ARID4B: variants seen among roughly 807,000 people sequenced by gnomAD.
ARID4B encodes AT-rich interactive domain-containing protein 4B.
A neutral mutation model predicts 147.5 loss-of-function variants in ARID4B; 26 were observed. The ratio of observed to expected loss-of-function variants is 0.18; its 90% CI spans 0.13 to 0.24. ARID4B has a LOEUF of 0.24. ARID4B is among the 10% of genes least tolerant of loss of function. The pLI is 1.00. For synonymous variants in ARID4B, 512 were observed against 507.9 expected, an observed-to-expected ratio of 1.01 and a Z score of -0.11; for missense variants, 1,179 against 1,511.5, an observed-to-expected ratio of 0.78 and a Z score of 3.65.
chr1:235,210,938 T>C (rs1666677244), intron 17 of ARID4B, among the ~76,000 whole-genome samples: 1 of 152,252 alleles, frequency 6.6e-6, no homozygotes, highest in South Asian at 2.1e-4. Context: ...AGTCAATCTT[T>C]TCTTAACAAA....
At position 235,181,587 on chromosome 1, in the gene ARID4B, T is replaced by G. The variant is rs751591114; in HGVS notation, c.3332A>C (p.Lys1111Thr). 1 of 1,610,740 alleles carries G rather than the reference T, an allele frequency of 6.2e-7. No individual in the cohort carries two copies. The highest frequency in any genetic ancestry group is 8.5e-7 in the Non-Finnish European group (1 of 1,179,492). The change falls in exon 20 of 24, where the codon AAA becomes ACA. Residue 1111 changes from lysine to threonine, a missense_variant and splice_region_variant. Lys to Thr is a moderately conservative substitution (Grantham distance 78). Coordinates refer to ENST00000264183, the MANE Select transcript of ARID4B (RefSeq NM_016374.6). ...SNQPEPEHPE[K>T]ACTGQKRVKD... is the part of the protein sequence containing the mutation. ...AACATACACATTTTCCTTCTCACCT[T>G]TTTCAGGATGTTCTGGTTCTGGCTG...
intron 23 of ARID4B, among the ~76,000 whole-genome samples, chr1:235,170,230 G>A (rs1263208155): frequency 6.6e-6 from 1 of 152,126 alleles, no homozygotes; most frequent in African/African-American, 2.4e-5. Context: ...ACACAGCCAT[G>A]CCTATTTGTT....
intron 19 of ARID4B, among the ~76,000 whole-genome samples, chr1:235,193,089 G>A (rs528796574): frequency 1.6e-4 from 23 of 148,036 alleles, no homozygotes; most frequent in African/African-American, 4.7e-4. Context: ...GCGAGACTCC[G>A]TCTCAAAAAA....
intron 17 of ARID4B, among the ~76,000 whole-genome samples, chr1:235,197,929 G>A (rs1008997628): frequency 6.6e-6 from 1 of 152,020 alleles, no homozygotes; most frequent in Non-Finnish European, 1.5e-5. Context: ...ATAATGCTTA[G>A]GAAAGCAATT....
intron 10 of ARID4B, among the ~76,000 whole-genome samples, chr1:235,230,822 C>T (rs1668170888): frequency 6.6e-6 from 1 of 151,354 alleles, no homozygotes. Flanking sequence ...ACTCGGGAGG[C>T]TGAGGCAAGA....
chr1:235,245,895 G>GAA (rs575291610), intron 7 of ARID4B, among the ~76,000 whole-genome samples: 119 of 152,160 alleles, frequency 7.8e-4, no homozygotes, highest in Non-Finnish European at 1.5e-3. Context: ...ACACAGCAAG[G>GAA]AAGTGGCAGA....
At position 235,255,659 on chromosome 1, in the gene ARID4B, C is replaced by A; in HGVS notation, c.274+1G>T. The A allele has an allele frequency of 6.3e-7, 1 of 1,579,854 alleles. No homozygotes were observed. Among genetic ancestry groups the A allele is most frequent in the African/African-American group, 1.4e-5 (1 of 73,270 alleles). On this transcript the variant is annotated splice_donor_variant, in intron 5 of 23. Transcript: ENST00000264183. LOFTEE classifies it high-confidence loss of function. ...TTTTAAAAGAAAATTTATTTTCTTACCTACAGTGTACCAACTCGCATCTGT... is the reference window on the plus strand; with the variant it reads ...TTTTAAAAGAAAATTTATTTTCTTAACTACAGTGTACCAACTCGCATCTGT...
At chr1:235,288,281 C>T (rs1672116100) in intron 2 of ARID4B, among the ~76,000 whole-genome samples, 1 of 151,946 alleles carries the variant, frequency 6.6e-6, no homozygotes, top group Non-Finnish European at 1.5e-5. Context: ...TGCACTCCAG[C>T]CTGAAAAACA....
chr1:235,219,955 T>G lies in ARID4B; in HGVS notation c.1421A>C (p.Asn474Thr). 2 of 1,539,700 alleles carry G rather than the reference T, an allele frequency of 1.3e-6. No individual in the cohort carries two copies. The highest frequency in any genetic ancestry group is 1.7e-6 in the Non-Finnish European group (2 of 1,146,872). ...NIKPSLGSKK[N>T]LLESIPTHSD... ...ATGTGTAGGTATAGATTCTAATAAA[T>G]TCTTTTTACTTCCCTAGAAAAAGAT... Residue 474 changes from asparagine to threonine, a missense_variant, in exon 16 of 24, where the codon AAT (asparagine) becomes ACT (threonine). Asn to Thr is a moderately conservative substitution (Grantham distance 65, BLOSUM62 0). Coordinates refer to ENST00000264183, the MANE Select transcript of ARID4B (RefSeq NM_016374.6).
intron 2 of ARID4B, among the ~76,000 whole-genome samples, chr1:235,288,979 T>C (rs1295471685): frequency 6.6e-6 from 1 of 152,336 alleles, no homozygotes; most frequent in East Asian, 1.9e-4. Flanking sequence ...CAATGCAATA[T>C]CTTAACAGTC....
chr1:235,223,296 C>G, intron 12 of ARID4B, 36 bp from the exon 13 acceptor site: 1 of 1,126,952 alleles, frequency 8.9e-7, no homozygotes, highest in Non-Finnish European at 1.2e-6. Flanking sequence ...TAGATCCACA[C>G]TACATTTTTA....
At chr1:235,318,892 T>C (rs4659492) in intron 2 of ARID4B, among the ~76,000 whole-genome samples, 1 of 151,674 alleles carries the variant, frequency 6.6e-6, no homozygotes, top group Non-Finnish European at 1.5e-5. Flanking sequence ...AAAAAAAAAT[T>C]TAGATTAGTT....
rs756289205 is a variant in ARID4B at position 235,181,880 on chromosome 1, A to G, written c.3039T>C (p.Ser1013=). Residue 1013 remains serine (S), a synonymous_variant, in exon 20 of 24, where the codon AGT becomes AGC. Transcript: ENST00000264183. Reference sequence around the variant, plus strand: ...TATTTAGCACTGAATTACTGCCACTACTTGGAAATTCTGCTTTTCTGTCAT... The same window carrying G: ...TATTTAGCACTGAATTACTGCCACTGCTTGGAAATTCTGCTTTTCTGTCAT... ...EVNDRKAEFP[S]SGSNSVLNTP... 1.2e-6 allele frequency: 2 copies of G among 1,614,020 alleles called. No homozygotes were observed. Among genetic ancestry groups the G allele is most frequent in the Admixed American group, 1.7e-5 (1 of 59,994 alleles).
chr1:235,171,752 G>A (rs1663380749), intron 23 of ARID4B, among the ~76,000 whole-genome samples: 1 of 151,870 alleles, frequency 6.6e-6, no homozygotes, highest in Admixed American at 6.6e-5. Flanking sequence ...CAATTCTCCT[G>A]CGTCGGCCTC....
intron 19 of ARID4B, among the ~76,000 whole-genome samples, chr1:235,192,449 T>A (rs939702105): frequency 1.3e-5 from 2 of 152,242 alleles, no homozygotes; most frequent in Non-Finnish European, 1.5e-5. Context: ...ACTATTTGCA[T>A]GTAGGATACA....
chr1:235,223,263 G>A lies in ARID4B; in HGVS notation c.971-3C>T. ...AGGTCGTTTGTTAATAGGTGTACCT[G>A]TTACAGAAAACACAAACTATATTAG... On this transcript the variant is annotated splice_region_variant and splice_polypyrimidine_tract_variant and intron_variant, in intron 12 of 23. Transcript: ENST00000264183. 1 of 1,511,422 alleles carries A rather than the reference G, an allele frequency of 6.6e-7. No individual in the cohort carries two copies. Among genetic ancestry groups the A allele is most frequent in the Non-Finnish European group, 8.9e-7 (1 of 1,121,696 alleles). 93.6% of individuals were successfully genotyped at this position (1,511,422 alleles called of 1,614,324 possible). A position where few individuals can be genotyped will look rare whatever the true frequency, so the allele number is the denominator to read the frequency against.
chr1:235,300,826 C>T (rs1308193544), intron 2 of ARID4B, among the ~76,000 whole-genome samples: 5 of 152,076 alleles, frequency 3.3e-5, no homozygotes, highest in African/African-American at 1.2e-4. Context: ...TCTCCTGCCT[C>T]AGCCTCCCGA....
At chr1:235,223,864 T>C (rs1667664090) in intron 12 of ARID4B, among the ~76,000 whole-genome samples, 1 of 152,094 alleles carries the variant, frequency 6.6e-6, no homozygotes, top group Non-Finnish European at 1.5e-5. Context: ...AGTATTAGAT[T>C]TTATTCATTT....
intron 18 of ARID4B, among the ~76,000 whole-genome samples, chr1:235,195,028 T>C (rs918581975): frequency 6.6e-6 from 1 of 152,080 alleles, no homozygotes; most frequent in Admixed American, 6.6e-5. Flanking sequence ...GGCCGATATA[T>C]TTCCTGGAAA....
Sources: allele counts gnomAD v4.1 joint callset (sites outside exome capture counted in the v4.1 genomes callset), GRCh38; gene constraint gnomAD v4.1.1; transcripts MANE v1.5; gene names NCBI Gene and HGNC (gene_info 2026-07-23, HGNC 2026-07-21).